The following NAALADL2 variants were observed in gnomAD, a reference collection of about 807,000 sequenced individuals.
NAALADL2 encodes the protein N-acetylated alpha-linked acidic dipeptidase like 2.
In NAALADL2, 76 loss-of-function variants were observed where a neutral mutation model predicts 87.2. The ratio of observed to expected loss-of-function variants is 0.87; its 90% CI spans 0.72 to 1.05. The LOEUF is 1.05. Among genes scored for constraint, NAALADL2 ranks in the 50% least tolerant of loss-of-function variants. NAALADL2 has a pLI of 0.00. For synonymous variants in NAALADL2, 354 were observed against 331.0 expected, an observed-to-expected ratio of 1.07 and a Z score of -0.75; for missense variants, 1,089 against 945.8, an observed-to-expected ratio of 1.15 and a Z score of -1.99.
chr3:175,364,009 G>A (rs1479383022), intron 5 of NAALADL2, among the ~76,000 whole-genome samples: 1 of 148,072 alleles, frequency 6.8e-6, no homozygotes, highest in African/African-American at 2.5e-5. Flanking sequence ...ATTTCATTAG[G>A]ATTTGAAGCA....
chr3:175,449,346 G>A (rs1036700195), intron 6 of NAALADL2, among the ~76,000 whole-genome samples: 7 of 151,584 alleles, frequency 4.6e-5, no homozygotes, highest in Admixed American at 1.3e-4. Context: ...CTAAAGTGCT[G>A]GGATTATAGG....
chr3:175,088,773 T>A (rs1430882100), intron 1 of NAALADL2, among the ~76,000 whole-genome samples: 1 of 152,206 alleles, frequency 6.6e-6, no homozygotes, highest in Non-Finnish European at 1.5e-5. Context: ...AATTGCAGTG[T>A]ATCTATCAAG....
intron 2 of NAALADL2, among the ~76,000 whole-genome samples, chr3:174,632,805 C>T (rs918083111): frequency 1.3e-5 from 2 of 151,458 alleles, no homozygotes; most frequent in East Asian, 1.9e-4. Flanking sequence ...TGTGGTGGTG[C>T]GTGCCTCTAA....
chr3:175,489,164 A>G (rs1326847574), intron 9 of NAALADL2, among the ~76,000 whole-genome samples: 3 of 152,234 alleles, frequency 2.0e-5, no homozygotes. Context: ...TTACACAAAT[A>G]TTTAGAAAAA....
At chr3:175,509,443 A>G (rs1050518640) in intron 9 of NAALADL2, among the ~76,000 whole-genome samples, 1 of 152,218 alleles carries the variant, frequency 6.6e-6, no homozygotes, top group Non-Finnish European at 1.5e-5. Flanking sequence ...TTGTACACAT[A>G]TCACCTGCTC....
intron 1 of NAALADL2, chr3:175,059,794 G>A (rs140982052): frequency 4.3e-5 from 13 of 302,564 alleles, no homozygotes; most frequent in East Asian, 4.0e-4. Flanking sequence ...TAGCAGCACC[G>A]TATTTGCCCA....
intron 5 of NAALADL2, among the ~76,000 whole-genome samples, chr3:175,418,524 T>G (rs1460683703): frequency 6.6e-6 from 1 of 152,140 alleles, no homozygotes; most frequent in South Asian, 2.1e-4. Context: ...GAAGTATAAT[T>G]TTTCCTTCTC....
At chr3:174,462,527 T>A (rs1716279225) in intron 1 of NAALADL2, among the ~76,000 whole-genome samples, 1 of 152,144 alleles carries the variant, frequency 6.6e-6, no homozygotes, top group African/African-American at 2.4e-5. Flanking sequence ...GGAAAAATCT[T>A]CAGTATCATA....
At chr3:175,647,835 G>GA (rs1293997044) in intron 11 of NAALADL2, among the ~76,000 whole-genome samples, 2 of 152,144 alleles carry the variant, frequency 1.3e-5, no homozygotes, top group Admixed American at 6.6e-5. Context: ...ATGGCAAAAA[G>GA]AAAGTCTCTA....
intron 5 of NAALADL2, among the ~76,000 whole-genome samples, chr3:175,364,290 A>T (rs1765326554): frequency 6.8e-6 from 1 of 147,908 alleles, no homozygotes; most frequent in Admixed American, 6.9e-5. Context: ...TGCGTAAAAC[A>T]AAACCAAAAG....
chr3:175,061,156 T>C (rs528335843), intron 1 of NAALADL2, among the ~76,000 whole-genome samples: 2 of 152,172 alleles, frequency 1.3e-5, no homozygotes, highest in African/African-American at 4.8e-5. Flanking sequence ...GAATATGAGA[T>C]ATTTAAGAAA....
At chr3:174,739,293 C>T (rs969253051) in intron 3 of NAALADL2, among the ~76,000 whole-genome samples, 6 of 151,872 alleles carry the variant, frequency 4.0e-5, no homozygotes, top group African/African-American at 1.5e-4. Context: ...GTGGAAGATG[C>T]GAAGTTGGCC....
chr3:174,570,884 C>A (rs929368598), intron 2 of NAALADL2, among the ~76,000 whole-genome samples: 2 of 152,166 alleles, frequency 1.3e-5, no homozygotes, highest in East Asian at 3.8e-4. Context: ...ATTAAACTTC[C>A]TTTAACTCAG....
chr3:175,671,089 A>G (rs1294980838), intron 11 of NAALADL2, among the ~76,000 whole-genome samples: 3 of 151,742 alleles, frequency 2.0e-5, no homozygotes, highest in Non-Finnish European at 2.9e-5. Flanking sequence ...CAAAGGATAC[A>G]TTATTTTACT....
intron 1 of NAALADL2, among the ~76,000 whole-genome samples, chr3:175,038,893 G>C (rs1006570796): frequency 6.6e-5 from 10 of 151,924 alleles, no homozygotes; most frequent in African/African-American, 2.4e-4. Context: ...TGGGACCAGA[G>C]GTATAAATTG....
At chr3:175,299,794 A>T (rs1756813566) in intron 4 of NAALADL2, among the ~76,000 whole-genome samples, 1 of 152,134 alleles carries the variant, frequency 6.6e-6, no homozygotes, top group Non-Finnish European at 1.5e-5. Flanking sequence ...CTCTTGCCTG[A>T]TTGCCCTGTC....
At chr3:174,917,336 A>G (rs774718624) in intron 1 of NAALADL2, among the ~76,000 whole-genome samples, 1 of 152,166 alleles carries the variant, frequency 6.6e-6, no homozygotes, top group African/African-American at 2.4e-5. Flanking sequence ...CTGTGCTTAA[A>G]ATGCATTATA....
intron 11 of NAALADL2, among the ~76,000 whole-genome samples, chr3:175,656,238 A>G (rs1731445141): frequency 1.3e-5 from 2 of 152,228 alleles, no homozygotes; most frequent in Admixed American, 1.3e-4. Flanking sequence ...CCCACTATTC[A>G]AATACATATG....
chr3:175,466,097 T>A (rs1376904271), intron 7 of NAALADL2, among the ~76,000 whole-genome samples: 1 of 152,206 alleles, frequency 6.6e-6, no homozygotes, highest in Non-Finnish European at 1.5e-5. Flanking sequence ...CAGCCTGGAT[T>A]CTAACCCAAG....
Sources: allele counts gnomAD v4.1 joint callset (sites outside exome capture counted in the v4.1 genomes callset), GRCh38; gene constraint gnomAD v4.1.1; transcripts MANE v1.5; gene names NCBI Gene and HGNC (gene_info 2026-07-23, HGNC 2026-07-21).